The following APBA3 variants were observed in gnomAD, a reference collection of about 807,000 sequenced individuals.
APBA3 encodes the protein amyloid-beta A4 precursor protein-binding family A member 3.
In APBA3, 45 loss-of-function variants were observed where a neutral mutation model predicts 55.9. That is an observed-to-expected ratio of 0.80 (90% CI 0.63 to 1.03). APBA3 has a LOEUF of 1.03. Among genes scored for constraint, APBA3 ranks in the 50% least tolerant of loss-of-function variants. The probability of loss-of-function intolerance (pLI) is 0.00; values close to 1 mark genes in which losing one functional copy is unlikely to be tolerated. For missense variants in APBA3, 865 were observed against 820.3 expected (o/e 1.05, Z -0.67); for synonymous variants, 370 against 353.3 (o/e 1.05, Z -0.53).
chr19:3,750,959 G>T lies in APBA3; in HGVS notation c.*67C>A. The T allele has an allele frequency of 6.7e-7, 1 of 1,494,042 alleles. No homozygotes were observed. The highest frequency in any genetic ancestry group is 9.1e-7 in the Non-Finnish European group (1 of 1,094,690). 92.5% of individuals were successfully genotyped at this position (1,494,042 alleles called of 1,614,324 possible). On this transcript the variant is annotated 3_prime_UTR_variant, in exon 11 of 11. Transcript: ENST00000316757. ...ACCGCTGGGGTCCTGGCCAGCCAGG[G>T]CAGGCCCAGGATGGGGCTCCGGGGC...
rs1325999820 is a variant in APBA3, at chr19:3,751,347, G to A, written c.1516-18C>T. 1.3e-6 allele frequency: 2 copies of A among 1,524,354 alleles called. No individual in the cohort carries two copies. The highest frequency in any genetic ancestry group is 1.8e-6 in the Non-Finnish European group (2 of 1,138,512). 94.4% of individuals were successfully genotyped at this position (1,524,354 alleles called of 1,614,324 possible). A position where few individuals can be genotyped will look rare whatever the true frequency, so the allele number is the denominator to read the frequency against. On this transcript the variant is annotated intron_variant, in intron 9 of 10. Transcript: ENST00000316757. ...CTGCAGATCTGGGGGAGAAAAGAGG[G>A]GGACGGGAAAGAGGTGGGGGCTGCT...
intron 1 of APBA3, among the ~76,000 whole-genome samples, chr19:3,760,763 AC>A (rs2037136432): frequency 6.7e-6 from 1 of 150,146 alleles, no homozygotes; most frequent in African/African-American, 2.4e-5. Flanking sequence ...AAAAAAAAAA[AC>A]TAGCTAGGGG....
At position 3,750,848 on chromosome 19, in the gene APBA3, C is replaced by T; in HGVS notation, c.*178G>A. 1.0e-6 allele frequency: 1 copy of T among 971,512 alleles called. No individual in the cohort carries two copies. Among genetic ancestry groups the T allele is most frequent in the Non-Finnish European group, 1.6e-6 (1 of 636,848 alleles). 60.2% of individuals were successfully genotyped at this position (971,512 alleles called of 1,614,324 possible). On this transcript the variant is annotated 3_prime_UTR_variant, in exon 11 of 11. Coordinates refer to ENST00000316757, the MANE Select transcript of APBA3 (RefSeq NM_004886.4). The stretch of plus-strand genomic sequence containing the variant: ...AGTGGCTTCCAGGAAGGACAAGGTC[C>T]TCGGTCCCGTAGACCCTGATCCGAG...
In APBA3 at chr19:3,752,517, G is replaced by A. The variant is rs61735536; in HGVS notation, c.1386C>T (p.Ala462=). 0.13 allele frequency: 202,946 copies of A among 1,574,974 alleles called. 14,558 individuals carry two copies. Among genetic ancestry groups the A allele is most frequent in the South Asian group, 0.24 (21,040 of 86,780 alleles). The change falls in exon 8 of 11, where the codon GCC becomes GCT. Residue 462 remains alanine (A), a synonymous_variant. Transcript: ENST00000316757. ...ACACCAGGAAACTCACGCGGACAGC[G>A]GCCTGGCACGCAGCCAGGGGCAGCC... The part of the protein sequence containing the change: ...LVGLPLAACQ[A]AVRETKSQTS...
chr19:3,755,615 T>C (rs1446270812), intron 3 of APBA3: 2 of 139,398 alleles, frequency 1.4e-5, no homozygotes, highest in Non-Finnish European at 3.0e-5. Flanking sequence ...CTGGCCAACA[T>C]GGCGAAACCC....
chr19:3,752,765 G>A (rs779455834), intron 7 of APBA3, 45 bp from the exon 8 acceptor site: 53 of 1,608,916 alleles, frequency 3.3e-5, no homozygotes, highest in Non-Finnish European at 4.2e-5. Flanking sequence ...AGGGCCCGGT[G>A]CAGGTGCACG....
rs2036987782 is a variant in APBA3, at chr19:3,750,926, G to C, written c.*100C>G. On this transcript the variant is annotated 3_prime_UTR_variant, in exon 11 of 11. Transcript: ENST00000316757. The stretch of plus-strand genomic sequence containing the variant: ...GTTTTTATATTAGGAAATCATACAG[G>C]ACCAAGAACCGCTGGGGTCCTGGCC... 8 of 1,332,736 alleles carry C rather than the reference G, an allele frequency of 6.0e-6. No individual in the cohort carries two copies. The South Asian group carries it at 1.0e-4, about 17-fold the overall frequency. 82.6% of individuals were successfully genotyped at this position (1,332,736 alleles called of 1,614,324 possible). A position where few individuals can be genotyped will look rare whatever the true frequency, so the allele number is the denominator to read the frequency against.
chr19:3,754,419 T>C (rs1246111573), intron 3 of APBA3, 79 bp from the exon 4 acceptor site: 8 of 1,496,922 alleles, frequency 5.3e-6, no homozygotes, highest in Non-Finnish European at 7.1e-6. Flanking sequence ...CTCTCCGAGA[T>C]GGCCGGGAGA....
intron 1 of APBA3, 88 bp from the exon 2 acceptor site, chr19:3,760,389 C>T: frequency 1.2e-6 from 1 of 804,806 alleles, no homozygotes; most frequent in Non-Finnish European, 1.9e-6. Flanking sequence ...CCCAGAAGGG[C>T]TGACTGAACC....
rs1266351328 is a variant in APBA3, at chr19:3,754,316, T to C, written c.641A>G (p.Asp214Gly). 1 of 1,557,236 alleles carries C rather than the reference T, an allele frequency of 6.4e-7. No homozygotes were observed. The highest frequency in any genetic ancestry group is 8.7e-7 in the Non-Finnish European group (1 of 1,153,168). The change falls in exon 4 of 11, where the codon GAC (aspartate) becomes GGC (glycine). Residue 214 changes from aspartate (D) to glycine (G), a missense_variant. Physicochemically the swap from Asp to Gly is moderately conservative, Grantham distance 94. Coordinates refer to ENST00000316757, the MANE Select transcript of APBA3 (RefSeq NM_004886.4). ...QEVPGPCDHE[D>G]LLDGVIFGAR... ...CCCAAATATGACACCGTCCAGGAGG[T>C]CTTCATGGTCACAGGGACCAGGCAC...
rs199650598 is a variant in APBA3, at chr19:3,760,044, G to A, written c.221C>T (p.Pro74Leu). ...GGGACAGGGGGCTCCACCTGGGGAT[G>A]GGCCCACCAGATCGCCTGGCAGAGC... ...FEALPGDLVGPSPGGAPCPLH... is the reference protein window; with the variant it reads ...FEALPGDLVGLSPGGAPCPLH... Residue 74 changes from proline (P) to leucine (L), a missense_variant, in exon 2 of 11, where the codon CCA (proline) becomes CTA (leucine). Pro to Leu is a moderately conservative substitution (Grantham distance 98). Coordinates refer to ENST00000316757, the MANE Select transcript of APBA3 (RefSeq NM_004886.4). 5.0e-6 allele frequency: 8 copies of A among 1,613,288 alleles called. No homozygotes were observed. The highest frequency in any genetic ancestry group is 4.0e-5 in the African/African-American group (3 of 75,054).
intron 6 of APBA3, chr19:3,753,206 G>T (rs1253624369): frequency 3.3e-6 from 2 of 607,938 alleles, no homozygotes; most frequent in African/African-American, 1.9e-5. Flanking sequence ...CCCTGGGCTG[G>T]GGGGACGATG....
In APBA3 at chr19:3,754,184, C is replaced by G. The variant is rs541683528; in HGVS notation, c.762+11G>C. The G allele has an allele frequency of 2.0e-5, 31 of 1,541,668 alleles. No homozygotes were observed. The African/African-American group carries it at 4.1e-4, about 20-fold the overall frequency. The stretch of plus-strand genomic sequence containing the variant: ...ACCCGCCTGCCCGCCCGGCCCCGGC[C>G]GCCCCCTCACCTTGACGCGGTCCAT... On this transcript the variant is annotated intron_variant, in intron 4 of 10. Coordinates refer to ENST00000316757, the MANE Select transcript of APBA3 (RefSeq NM_004886.4).
intron 3 of APBA3, chr19:3,756,757 T>C (rs1396781241): frequency 2.6e-5 from 4 of 152,230 alleles, no homozygotes; most frequent in Non-Finnish European, 5.9e-5. Context: ...TCACCTGTTT[T>C]TAATTTTTTA....
intron 6 of APBA3, 165 bp from the exon 7 acceptor site, chr19:3,753,155 C>T: frequency 1.4e-6 from 1 of 737,688 alleles, no homozygotes; most frequent in East Asian, 2.7e-5. Context: ...GAGACAGCCG[C>T]ATCTTGGGGA....
rs199898182 is a variant in APBA3 at position 3,752,994 on chromosome 19, C to T, written c.1012-4G>A. 2.2e-5 allele frequency: 35 copies of T among 1,610,352 alleles called. No homozygotes were observed. The highest frequency in any genetic ancestry group is 2.1e-4 in the South Asian group (19 of 91,036). On this transcript the variant is annotated splice_polypyrimidine_tract_variant and splice_region_variant and intron_variant, in intron 6 of 10. Coordinates refer to ENST00000316757, the MANE Select transcript of APBA3 (RefSeq NM_004886.4). ...TGGCCTGGGCGATGAGCTGGGCCTG[C>T]GGGGAGGAGTGGCGCGTCCCTGGGG...
chr19:3,757,585 A>G (rs576987398), intron 3 of APBA3, among the ~76,000 whole-genome samples: 9 of 152,170 alleles, frequency 5.9e-5, no homozygotes, highest in Non-Finnish European at 8.8e-5. Context: ...TATAAAAATT[A>G]GCTGGGCACG....
At chr19:3,758,961 C>T (rs143424455) in intron 3 of APBA3, among the ~76,000 whole-genome samples, 1 of 152,284 alleles carries the variant, frequency 6.6e-6, no homozygotes, top group East Asian at 1.9e-4. Flanking sequence ...GTGGCTCACG[C>T]CTGTAATCTC....
At chr19:3,753,478 T>C in intron 6 of APBA3, 1 of 417,370 alleles carries the variant, frequency 2.4e-6, no homozygotes. Flanking sequence ...CGAGACCGTG[T>C]CTCTATAAAA....
Sources: gnomAD v4.1 joint callset for allele counts (sites outside exome capture counted in the v4.1 genomes callset) on GRCh38, gnomAD v4.1.1 for gene constraint, MANE v1.5 for transcripts, NCBI Gene and HGNC (gene_info 2026-07-23, HGNC 2026-07-21) for gene names.